Variants in NOL4 observed in about 807,000 individuals in gnomAD.
The protein encoded by NOL4 is nucleolar protein 4.
Under a neutral mutation model 75.9 loss-of-function variants are expected in NOL4, and 17 were observed. The ratio of observed to expected loss-of-function variants is 0.22; its 90% CI spans 0.15 to 0.34. NOL4 has a LOEUF of 0.34. Among genes scored for constraint, NOL4 ranks in the 10% least tolerant of loss-of-function variants. NOL4 has a pLI of 1.00. For synonymous variants in NOL4, 292 were observed against 289.9 expected, an observed-to-expected ratio of 1.01 and a Z score of -0.07; for missense variants, 614 against 793.5, an observed-to-expected ratio of 0.77 and a Z score of 2.72.
chr18:33,959,081 G>A (rs1396208941), intron 6 of NOL4, among the ~76,000 whole-genome samples: 1 of 152,098 alleles, frequency 6.6e-6, no homozygotes, highest in Non-Finnish European at 1.5e-5. Context: ...CCTCTGTTAA[G>A]TTTAATGTTT....
intron 6 of NOL4, among the ~76,000 whole-genome samples, chr18:33,975,839 A>C (rs2071451482): frequency 6.6e-6 from 1 of 152,198 alleles, no homozygotes; most frequent in Non-Finnish European, 1.5e-5. Flanking sequence ...CATGTCAAGC[A>C]TCTCTCCCTT....
chr18:34,038,582 C>G (rs1248559428), intron 5 of NOL4, among the ~76,000 whole-genome samples: 4 of 152,018 alleles, frequency 2.6e-5, no homozygotes, highest in African/African-American at 9.7e-5. Context: ...ATGTCATTTG[C>G]AGCAACATGG....
intron 10 of NOL4, among the ~76,000 whole-genome samples, chr18:33,858,650 T>C (rs549964660): frequency 1.3e-5 from 2 of 152,218 alleles, no homozygotes; most frequent in East Asian, 3.9e-4. Context: ...TAATACTCTT[T>C]TTGATGATAG....
At chr18:34,161,883 A>G (rs1474638718) in intron 1 of NOL4, among the ~76,000 whole-genome samples, 1 of 152,152 alleles carries the variant, frequency 6.6e-6, no homozygotes, top group African/African-American at 2.4e-5. Flanking sequence ...AGTCATTTCC[A>G]TAGATTATTT....
intron 1 of NOL4, among the ~76,000 whole-genome samples, chr18:34,161,866 A>G (rs1032128873): frequency 1.3e-5 from 2 of 152,174 alleles, no homozygotes; most frequent in Non-Finnish European, 2.9e-5. Context: ...ATTCAACTTT[A>G]TAAGGTAGTC....
Position 33,958,200 on chromosome 18 carries a change from G to A in NOL4, c.1236+39C>T, listed in dbSNP as rs2069801208. 4.5e-6 allele frequency: 7 copies of A among 1,540,796 alleles called. No homozygotes were observed. The South Asian group carries it at 7.2e-5, about 16-fold the overall frequency. ...CAAGCAACAACATGAAAGTGAAGTG[G>A]TAAAAATTAAACCACACTTGGAGTG... On this transcript the variant is annotated intron_variant, in intron 7 of 10. Transcript: ENST00000261592.
intron 2 of NOL4, among the ~76,000 whole-genome samples, chr18:34,111,252 A>G (rs1292352004): frequency 6.6e-6 from 1 of 152,248 alleles, no homozygotes; most frequent in African/African-American, 2.4e-5. Context: ...CATACATAAT[A>G]AAGGGTTAAT....
chr18:34,130,966 G>A (rs1262725742), intron 1 of NOL4, among the ~76,000 whole-genome samples: 1 of 151,872 alleles, frequency 6.6e-6, no homozygotes, highest in African/African-American at 2.4e-5. Flanking sequence ...AGAGGAGTAA[G>A]AAATAAGTTT....
intron 9 of NOL4, among the ~76,000 whole-genome samples, chr18:33,932,823 C>T (rs892155191): frequency 6.6e-6 from 1 of 152,132 alleles, no homozygotes; most frequent in Non-Finnish European, 1.5e-5. Flanking sequence ...AATTTCTATA[C>T]TCTTATAAAA....
intron 5 of NOL4, among the ~76,000 whole-genome samples, chr18:34,091,195 CAAAAAA>C (rs56398038): frequency 8.1e-6 from 1 of 122,744 alleles, no homozygotes; most frequent in African/African-American, 3.1e-5. Flanking sequence ...ACTAAAAATA[CAAAAAA>C]AAAAAAAAAA....
chr18:34,141,512 C>A (rs1214010802), intron 1 of NOL4, among the ~76,000 whole-genome samples: 5 of 151,978 alleles, frequency 3.3e-5, no homozygotes, highest in Non-Finnish European at 5.9e-5. Flanking sequence ...CAGAACAGAG[C>A]CCTCATAAAT....
At chr18:34,128,599 T>C (rs1218509059) in intron 2 of NOL4, among the ~76,000 whole-genome samples, 1 of 151,908 alleles carries the variant, frequency 6.6e-6, no homozygotes, top group Non-Finnish European at 1.5e-5. Context: ...TCTCCTGGAA[T>C]GTGTAAGTCA....
At chr18:33,892,800 G>A (rs1437633537) in intron 9 of NOL4, among the ~76,000 whole-genome samples, 1 of 151,984 alleles carries the variant, frequency 6.6e-6, no homozygotes, top group Non-Finnish European at 1.5e-5. Flanking sequence ...TGGGACCACA[G>A]GTGCACACTG....
intron 5 of NOL4, among the ~76,000 whole-genome samples, chr18:34,039,907 C>T (rs1023135199): frequency 1.3e-5 from 2 of 151,954 alleles, no homozygotes; most frequent in African/African-American, 2.4e-5. Flanking sequence ...CAATAAATTG[C>T]ATGAGATACT....
chr18:34,132,204 G>C (rs1197051028), intron 1 of NOL4, among the ~76,000 whole-genome samples: 1 of 152,150 alleles, frequency 6.6e-6, no homozygotes, highest in Non-Finnish European at 1.5e-5. Flanking sequence ...ATGAGATTTA[G>C]AGCCTAATCA....
chr18:34,214,314 T>TATA (rs2036725699), intron 1 of NOL4, among the ~76,000 whole-genome samples: 1 of 136,990 alleles, frequency 7.3e-6, no homozygotes, highest in African/African-American at 3.0e-5. Context: ...TTAAATATAG[T>TATA]TTATAATGGG....
intron 1 of NOL4, among the ~76,000 whole-genome samples, chr18:34,166,454 TA>T (rs1476901669): frequency 1.3e-5 from 2 of 152,134 alleles, no homozygotes; most frequent in African/African-American, 2.4e-5. Context: ...ATTTGTTTTT[TA>T]CAGAAAGTAG....
intron 5 of NOL4, among the ~76,000 whole-genome samples, chr18:34,089,274 A>C (rs1350872270): frequency 6.6e-6 from 1 of 152,174 alleles, no homozygotes; most frequent in East Asian, 1.9e-4. Flanking sequence ...AATGTTAAAA[A>C]AAAATTTTAA....
At chr18:34,195,021 T>A (rs2035225149) in intron 1 of NOL4, among the ~76,000 whole-genome samples, 1 of 137,276 alleles carries the variant, frequency 7.3e-6, no homozygotes. Context: ...AGAGCGAAAC[T>A]CCGTCTCAAA....
Sources: gnomAD v4.1 joint callset for allele counts (sites outside exome capture counted in the v4.1 genomes callset) on GRCh38, gnomAD v4.1.1 for gene constraint, MANE v1.5 for transcripts, NCBI Gene and HGNC (gene_info 2026-07-23, HGNC 2026-07-21) for gene names.